DZIP1L: variants seen among roughly 807,000 people sequenced by gnomAD.
DZIP1L encodes the protein DAZ interacting zinc finger protein 1 like.
DZIP1L carries 90 observed loss-of-function variants against 88.7 expected under a neutral mutation model. The observed-to-expected ratio is 1.02, with a 90% CI of 0.86 to 1.21. DZIP1L has a LOEUF of 1.21. DZIP1L is among the 50% of genes most tolerant of loss of function. The pLI is 0.00. For missense variants in DZIP1L, 932 were observed against 955.8 expected (o/e 0.98, Z 0.33); for synonymous variants, 363 against 372.1 (o/e 0.98, Z 0.28).
rs750498005 is a variant in DZIP1L at position 138,103,912 on chromosome 3, C to T, written c.60G>A (p.Thr20=). Residue 20 remains threonine (T), a synonymous_variant, in exon 2 of 16, where the codon ACG becomes ACA. Coordinates refer to ENST00000327532, the MANE Select transcript of DZIP1L (RefSeq NM_173543.3). ...GAGGCTGAAACTTGAAGGTGGGGAA[C>T]GTGTAGGCCCCAAAGAGGGGGCCAC... is the stretch of plus-strand genomic sequence containing the variant. The part of the protein sequence containing the change: ...GLSGPLFGAY[T]FPTFKFQPRH... The T allele has an allele frequency of 3.1e-6, 5 of 1,613,714 alleles. No homozygotes were observed. Among genetic ancestry groups the T allele is most frequent in the African/African-American group, 1.3e-5 (1 of 75,078 alleles).
chr3:138,107,273 G>A (rs2042522618), intron 1 of DZIP1L, among the ~76,000 whole-genome samples: 1 of 152,200 alleles, frequency 6.6e-6, no homozygotes, highest in Non-Finnish European at 1.5e-5. Flanking sequence ...ATGAATGGAT[G>A]AATGTCATTA....
At chr3:138,105,291 A>C (rs2107855112) in intron 1 of DZIP1L, among the ~76,000 whole-genome samples, 1 of 152,074 alleles carries the variant, frequency 6.6e-6, no homozygotes, top group Middle Eastern at 3.5e-3. Flanking sequence ...AAATGGATGG[A>C]TGGTGTGTGG....
At chr3:138,090,897 T>C (rs1012567213) in intron 5 of DZIP1L, among the ~76,000 whole-genome samples, 1 of 151,974 alleles carries the variant, frequency 6.6e-6, no homozygotes, top group Non-Finnish European at 1.5e-5. Flanking sequence ...TTTTTTTTTT[T>C]TTTTGAGAAG....
rs1943679123 is a variant in DZIP1L, at chr3:138,081,924, C to T, written c.1204-160G>A. The T allele has an allele frequency of 3.0e-5, 17 of 563,284 alleles. No homozygotes were observed. The South Asian group carries it at 3.9e-4, about 13-fold the overall frequency. The allele number at this position is 563,284 out of a possible 1,614,324, so 34.9% of individuals were successfully genotyped here. On this transcript the variant is annotated intron_variant, in intron 8 of 15. Transcript: ENST00000327532. ...AGCTCAGATGCACCACCCCAGCCCC[C>T]TGACACATCTCTGGGGTCCGTGTGT...
At chr3:138,071,557 T>C in intron 12 of DZIP1L, 86 bp downstream of exon 12, 2 of 1,472,576 alleles carry the variant, frequency 1.4e-6, no homozygotes, top group Admixed American at 2.2e-5. Flanking sequence ...GGACAGAGAC[T>C]ATACCCTCCT....
intron 1 of DZIP1L, among the ~76,000 whole-genome samples, chr3:138,107,354 TGCTC>T (rs2042525315): frequency 6.6e-6 from 1 of 152,176 alleles, no homozygotes; most frequent in Non-Finnish European, 1.5e-5. Flanking sequence ...CCTTCCCTCT[TGCTC>T]TTATGCTTTC....
At chr3:138,083,644 G>T (rs1943775673) in intron 8 of DZIP1L, among the ~76,000 whole-genome samples, 1 of 152,218 alleles carries the variant, frequency 6.6e-6, no homozygotes, top group Non-Finnish European at 1.5e-5. Context: ...TAAGAATACT[G>T]TGTAAAAAAC....
Position 138,063,516 on chromosome 3 carries a change from G to C in DZIP1L, c.2143-539C>G, listed in dbSNP as rs1173868523. On this transcript the variant is annotated intron_variant, in intron 15 of 15. Coordinates refer to ENST00000327532, the MANE Select transcript of DZIP1L (RefSeq NM_173543.3). This position sits in a 1 kb window ranked among gnomAD's most constrained non-coding sequence, Gnocchi z 4.1. ...CAGGACAGCTCAGAGTCAGCCAAGG[G>C]ACCAGGCCACCCCCTGACCACAGCC... Among the ~76,000 whole-genome samples the C allele has an allele frequency of 6.6e-6, 1 of 152,206 alleles. No individual in the cohort carries two copies. The highest frequency in any genetic ancestry group is 1.5e-5 in the Non-Finnish European group (1 of 68,040).
chr3:138,109,272 T>C (rs2042576627), intron 1 of DZIP1L, among the ~76,000 whole-genome samples: 1 of 152,222 alleles, frequency 6.6e-6, no homozygotes, highest in Non-Finnish European at 1.5e-5. Flanking sequence ...GAAGCACTCA[T>C]CTATTTCTCA....
chr3:138,081,372 T>A (rs1300450976), intron 9 of DZIP1L, among the ~76,000 whole-genome samples: 1 of 152,132 alleles, frequency 6.6e-6, no homozygotes, highest in African/African-American at 2.4e-5. Context: ...TGCTGAACAT[T>A]GGGAACAAGG....
chr3:138,106,146 T>C (rs1415515127), intron 1 of DZIP1L, among the ~76,000 whole-genome samples: 1 of 138,464 alleles, frequency 7.2e-6, no homozygotes, highest in African/African-American at 2.7e-5. Flanking sequence ...TTTTTTTTTT[T>C]TTTTTTTTTT....
At chr3:138,085,818 T>A (rs1943904645) in intron 7 of DZIP1L, among the ~76,000 whole-genome samples, 1 of 152,222 alleles carries the variant, frequency 6.6e-6, no homozygotes, top group Non-Finnish European at 1.5e-5. Flanking sequence ...GTATGTTTAT[T>A]GTGGCACTAT....
Position 138,067,897 on chromosome 3 carries a change from C to T in DZIP1L, c.1833-197G>A, listed in dbSNP as rs1015246856. Among the ~76,000 whole-genome samples the T allele has an allele frequency of 5.9e-5, 9 of 152,344 alleles. 1 individual carries two copies. Among genetic ancestry groups the T allele is most frequent in the Admixed American group, 4.6e-4 (7 of 15,312 alleles). Reference sequence around the variant, plus strand: ...TCTCCCTTAGTAGAGCCCTGCCCATCTGAGGATCCAGCCCCTCTGGAGGGG... The same window carrying T: ...TCTCCCTTAGTAGAGCCCTGCCCATTTGAGGATCCAGCCCCTCTGGAGGGG... On this transcript the variant is annotated intron_variant, in intron 13 of 15. Coordinates refer to ENST00000327532, the MANE Select transcript of DZIP1L (RefSeq NM_173543.3).
intron 14 of DZIP1L, among the ~76,000 whole-genome samples, chr3:138,066,495 T>C (rs987321089): frequency 6.6e-6 from 1 of 152,170 alleles, no homozygotes; most frequent in Non-Finnish European, 1.5e-5. Context: ...AAAAACATCA[T>C]ACAGAATCTC....
In DZIP1L at chr3:138,094,966, C is replaced by A. The variant is rs759650616; in HGVS notation, c.604G>T (p.Glu202Ter). ...TCTAACACCTCTTCCACTGGCTGTT[C>A]CTGTTTCTTCTGTTTTCCTGTGGGG... Reference protein sequence around the residue: ...VAEGGKQKKQEQPVEEVLEEL... With the variant: ...VAEGGKQKKQ Residue 202 changes from glutamate to a stop codon, truncating the protein, a stop_gained, in exon 4 of 16, where the codon GAA becomes TAA. Coordinates refer to ENST00000327532, the MANE Select transcript of DZIP1L (RefSeq NM_173543.3). LOFTEE classifies it high-confidence loss of function. 4 of 1,614,116 alleles carry A rather than the reference C, an allele frequency of 2.5e-6. No homozygotes were observed. In the African/African-American group the frequency reaches 5.3e-5, roughly 22 times the overall value.
At chr3:138,097,887 C>A in intron 2 of DZIP1L, 40 bp from the exon 3 acceptor site, 1 of 1,559,184 alleles carries the variant, frequency 6.4e-7, no homozygotes, top group African/African-American at 1.3e-5. Context: ...AAGATTAGGT[C>A]ACCTGAGTCA....
chr3:138,065,001 C>T (rs994969469), intron 14 of DZIP1L, among the ~76,000 whole-genome samples: 1 of 152,216 alleles, frequency 6.6e-6, no homozygotes, highest in African/African-American at 2.4e-5. Flanking sequence ...AATGACATGG[C>T]TAGTGACAGA....
At chr3:138,102,797 C>A in intron 2 of DZIP1L, 1 of 749,366 alleles carries the variant, frequency 1.3e-6, no homozygotes, top group Non-Finnish European at 2.5e-6. Flanking sequence ...CTGCTGCCCA[C>A]TCAGGAGAAG....
At chr3:138,092,321 A>C (rs1415410385) in intron 5 of DZIP1L, 62 bp downstream of exon 5, 5 of 1,457,878 alleles carry the variant, frequency 3.4e-6, no homozygotes, top group Non-Finnish European at 4.5e-6. Flanking sequence ...ACAAACTAAG[A>C]AATTTTGAGA....
Sources: allele counts gnomAD v4.1 joint callset (sites outside exome capture counted in the v4.1 genomes callset), GRCh38; gene constraint gnomAD v4.1.1; non-coding constraint Gnocchi (gnomAD v3.1); transcripts MANE v1.5; gene names NCBI Gene and HGNC (gene_info 2026-07-23, HGNC 2026-07-21).